The following BTN2A1 variants were observed in gnomAD, a reference collection of about 807,000 sequenced individuals.
BTN2A1 encodes the protein butyrophilin subfamily 2 member A1.
In BTN2A1, 41 loss-of-function variants were observed where a neutral mutation model predicts 34.5. That is an observed-to-expected ratio of 1.19 (90% CI 0.93 to 1.54). The LOEUF (loss-of-function observed/expected upper bound fraction) is 1.54, where lower values mean the gene tolerates loss of function less well. Ranked by LOEUF, BTN2A1 falls within the 40% of genes most tolerant of loss-of-function variation. The probability of loss-of-function intolerance (pLI) is 0.00; values close to 1 mark genes in which losing one functional copy is unlikely to be tolerated. For synonymous variants in BTN2A1, 267 were observed against 258.6 expected, an observed-to-expected ratio of 1.03 and a Z score of -0.31; for missense variants, 642 against 662.0, an observed-to-expected ratio of 0.97 and a Z score of 0.33.
chr6:26,459,606 C>G lies in BTN2A1; in HGVS notation c.208C>G (p.Gln70Glu). Residue 70 changes from glutamine to glutamate, a missense_variant, in exon 3 of 8, where the codon CAG becomes GAG. Coordinates refer to ENST00000312541, the MANE Select transcript of BTN2A1 (RefSeq NM_007049.5). The part of the protein sequence containing the change: ...EDMEVRWFRS[Q>E]FSPAVFVYKG... ...CATGGAGGTGCGGTGGTTCCGGTCT[C>G]AGTTCTCCCCCGCAGTGTTTGTGTA... 1 of 1,614,082 alleles carries G rather than the reference C, an allele frequency of 6.2e-7. No homozygotes were observed. Among genetic ancestry groups the G allele is most frequent in the Non-Finnish European group, 8.5e-7 (1 of 1,180,024 alleles).
intron 4 of BTN2A1, among the ~76,000 whole-genome samples, chr6:26,464,473 C>G (rs920267884): frequency 5.9e-5 from 9 of 152,076 alleles, no homozygotes; most frequent in African/African-American, 2.2e-4. Context: ...CAATTCTTAA[C>G]AGAATGGTCA....
rs568266180 is a variant in BTN2A1, at chr6:26,468,048, C to T, written c.1083C>T (p.Ser361=). 7 of 1,614,208 alleles carry T rather than the reference C, an allele frequency of 4.3e-6. No homozygotes were observed. In the East Asian group the frequency reaches 1.1e-4, roughly 26 times the overall value. The part of the protein sequence containing the change: ...RRCPFRHLGE[S]VPDNPERFDS... Reference sequence around the variant, plus strand: ...GCCCCTTCAGGCACCTAGGGGAGAGCGTGCCTGACAACCCAGAGAGATTCG... The same window carrying T: ...GCCCCTTCAGGCACCTAGGGGAGAGTGTGCCTGACAACCCAGAGAGATTCG... Residue 361 remains serine, a synonymous_variant, in exon 8 of 8, where the codon AGC becomes AGT. Coordinates refer to ENST00000312541, the MANE Select transcript of BTN2A1 (RefSeq NM_007049.5).
intron 7 of BTN2A1, 27 bp from the exon 8 acceptor site, chr6:26,467,921 G>A: frequency 6.2e-7 from 1 of 1,602,074 alleles, no homozygotes; most frequent in Non-Finnish European, 8.5e-7. Flanking sequence ...TGAGACCCCA[G>A]GCCTAAACCT....
intron 3 of BTN2A1, among the ~76,000 whole-genome samples, chr6:26,460,602 A>C (rs1763140980): frequency 6.6e-6 from 1 of 152,160 alleles, no homozygotes; most frequent in Non-Finnish European, 1.5e-5. Context: ...GGGTTAGTGT[A>C]TTATGCTTTA....
chr6:26,465,533 T>TA (rs1315632528), intron 5 of BTN2A1, 127 bp downstream of exon 5: 8,346 of 695,582 alleles, frequency 0.012, no homozygotes, highest in East Asian at 0.015. Context: ...CCTGTTTAAT[T>TA]AAAAAAAAAA....
downstream of BTN2A1, among the ~76,000 whole-genome samples, chr6:26,472,157 G>A (rs748011476): frequency 1.3e-5 from 2 of 152,018 alleles, no homozygotes; most frequent in Non-Finnish European, 2.9e-5. Context: ...GTTGCCTCAT[G>A]GTCACAAAAG....
intron 3 of BTN2A1, among the ~76,000 whole-genome samples, 174 bp from the exon 4 acceptor site, chr6:26,463,070 A>G (rs1014188935): frequency 7.2e-5 from 11 of 152,182 alleles, no homozygotes; most frequent in African/African-American, 2.7e-4. Context: ...GGTGTTCTCC[A>G]ACATCAATGT....
chr6:26,475,705 C>G lies in BTN2A1; in HGVS notation c.983-417C>G, dbSNP rs377616797. 3.0e-4 allele frequency among the ~76,000 whole-genome samples: 46 copies of G among 151,766 alleles called. 1 individual carries two copies. In the South Asian group the frequency reaches 9.4e-3, roughly 31 times the overall value. On this transcript the variant is annotated intron_variant, in intron 7 of 7. Transcript: ENST00000469185. ...GGAGGATCACTTGAGCCCAAAAGTT[C>G]AAGATCAGACTGGGAAACATAGTGA...
downstream of BTN2A1, among the ~76,000 whole-genome samples, chr6:26,473,686 T>A (rs1481609822): frequency 1.3e-5 from 2 of 152,204 alleles, no homozygotes; most frequent in Non-Finnish European, 2.9e-5. Context: ...TTAAAATCTT[T>A]TCATTTTTCC....
downstream of BTN2A1, among the ~76,000 whole-genome samples, chr6:26,473,697 A>T (rs570644047): frequency 6.6e-5 from 10 of 152,304 alleles, no homozygotes; most frequent in African/African-American, 2.4e-4. Flanking sequence ...TCATTTTTCC[A>T]CTCAGTTCTC....
chr6:26,472,523 A>G (rs1248240287), downstream of BTN2A1, among the ~76,000 whole-genome samples: 1 of 152,194 alleles, frequency 6.6e-6, no homozygotes, highest in African/African-American at 2.4e-5. Flanking sequence ...GTTTTATAAC[A>G]TAAACAAATG....
At chr6:26,461,768 G>A (rs1581668601) in intron 3 of BTN2A1, among the ~76,000 whole-genome samples, 1 of 146,214 alleles carries the variant, frequency 6.8e-6, no homozygotes, top group African/African-American at 2.6e-5. Flanking sequence ...GGGCTACAGA[G>A]CAAGACTCTG....
chr6:26,465,542 A>T, intron 5 of BTN2A1, 136 bp downstream of exon 5: 1 of 849,556 alleles, frequency 1.2e-6, no homozygotes, highest in Non-Finnish European at 1.8e-6. Context: ...TTAAAAAAAA[A>T]AAGAAAAGAA....
chr6:26,468,459 C>T lies in BTN2A1; in HGVS notation c.1494C>T (p.Phe498=). ...TGGGGTGTGAGGACAGCCCCATCTT[C>T]ATCTGCCCTGCACTCACAGGAGCCA... ...FRLGCEDSPI[F]ICPALTGANG... The change falls in exon 8 of 8, where the codon TTC becomes TTT. Residue 498 remains phenylalanine, a synonymous_variant. Transcript: ENST00000312541. 6.2e-7 allele frequency: 1 copy of T among 1,614,172 alleles called. No individual in the cohort carries two copies. The highest frequency in any genetic ancestry group is 1.1e-5 in the South Asian group (1 of 91,086).
In BTN2A1 at chr6:26,458,617, C is replaced by T. The variant is rs759871915; in HGVS notation, c.-20C>T. 2 of 1,613,972 alleles carry T rather than the reference C, an allele frequency of 1.2e-6. No individual in the cohort carries two copies. Among genetic ancestry groups the T allele is most frequent in the African/African-American group, 1.3e-5 (1 of 75,012 alleles). On this transcript the variant is annotated 5_prime_UTR_variant, in exon 2 of 8. Transcript: ENST00000312541. ...CCTCTGTAACCCTAGGCCTCCTGTC[C>T]CTGCCTGCTCTGGGTGCTCATGGAA...
intron 3 of BTN2A1, among the ~76,000 whole-genome samples, chr6:26,461,208 G>A (rs1005227653): frequency 4.6e-5 from 7 of 152,200 alleles, no homozygotes; most frequent in African/African-American, 9.7e-5. Context: ...GTTTCTGCGC[G>A]GCAGGAATCT....
chr6:26,471,409 A>C (rs1417753203), downstream of BTN2A1, among the ~76,000 whole-genome samples: 1 of 152,256 alleles, frequency 6.6e-6, no homozygotes, highest in African/African-American at 2.4e-5. Flanking sequence ...GGAGAAAAGT[A>C]GATCTTTGGT....
chr6:26,476,091 C>T (rs765775898), intron 7 of BTN2A1: 1 of 1,526,578 alleles, frequency 6.6e-7, no homozygotes, highest in South Asian at 1.2e-5. Context: ...ATGAACGCCT[C>T]CCTTCTCCTA....
At position 26,468,690 on chromosome 6, in the gene BTN2A1, A is replaced by T. The variant is rs760865815; in HGVS notation, c.*141A>T. On this transcript the variant is annotated 3_prime_UTR_variant, in exon 8 of 8. Coordinates refer to ENST00000312541, the MANE Select transcript of BTN2A1 (RefSeq NM_007049.5). ...TCTTCCAGCTGCCTCTTTCACACCC[A>T]CTACAGACCTCAGCCCCAGTTTTCT... The T allele has an allele frequency of 3.7e-5, 59 of 1,613,134 alleles. No homozygotes were observed. Among genetic ancestry groups the T allele is most frequent in the Non-Finnish European group, 4.8e-5 (57 of 1,179,966 alleles).
Sources: allele counts gnomAD v4.1 joint callset (sites outside exome capture counted in the v4.1 genomes callset), GRCh38; gene constraint gnomAD v4.1.1; transcripts MANE v1.5; gene names NCBI Gene and HGNC (gene_info 2026-07-23, HGNC 2026-07-21).